Variants in MYH9 observed in about 807,000 individuals in gnomAD.
The protein encoded by MYH9 is myosin heavy chain 9.
Under a neutral mutation model 241.9 loss-of-function variants are expected in MYH9, and 29 were observed. The ratio of observed to expected loss-of-function variants is 0.12; its 90% CI spans 0.09 to 0.16. MYH9 has a LOEUF of 0.16. Ranked by LOEUF, MYH9 falls within the 10% of genes least tolerant of loss-of-function variation. MYH9 has a pLI of 1.00. For missense variants in MYH9, 1,803 were observed against 2,595.5 expected, an observed-to-expected ratio of 0.69 and a Z score of 6.63; for synonymous variants, 1,047 against 1,062.6, an observed-to-expected ratio of 0.99 and a Z score of 0.29.
chr22:36,291,683 TAAAAAAAA>T (rs66686435), intron 31 of MYH9, among the ~76,000 whole-genome samples: 2 of 86,938 alleles, frequency 2.3e-5, no homozygotes, highest in Admixed American at 2.5e-4. Context: ...ATAAAAAAAT[TAAAAAAAA>T]AAAAAAAAAA....
intron 3 of MYH9, among the ~76,000 whole-genome samples, chr22:36,332,661 TAAAAAAAAAA>T (rs67602880): frequency 2.9e-4 from 13 of 44,506 alleles, no homozygotes; most frequent in South Asian, 1.8e-3. Context: ...TCTGGATAAT[TAAAAAAAAAA>T]AAAAAAAAAA....
Position 36,295,391 on chromosome 22 carries a change from A to G in MYH9, c.3485+114T>C, listed in dbSNP as rs1457154598. On this transcript the variant is annotated intron_variant, in intron 26 of 40. Coordinates refer to ENST00000216181, the MANE Select transcript of MYH9 (RefSeq NM_002473.6). The surrounding 1 kb of genome is among the most constrained non-coding windows in gnomAD (Gnocchi z 4.1). ...CAGCTTCCATGCCTGCTGGTGCCTA[A>G]GAGGGCCACGGTGTGTGTGTGTGTG... The G allele has an allele frequency of 4.5e-6, 4 of 898,478 alleles. No individual in the cohort carries two copies. The highest frequency in any genetic ancestry group is 7.0e-6 in the Non-Finnish European group (4 of 568,912). The allele number at this position is 898,478 out of a possible 1,614,324, so 55.7% of individuals were successfully genotyped here. A position where few individuals can be genotyped will look rare whatever the true frequency, so the allele number is the denominator to read the frequency against.
In MYH9 at chr22:36,288,351, G is replaced by A. The variant is rs374641578; in HGVS notation, c.4833C>T (p.Ala1611=). The change falls in exon 34 of 41, where the codon GCC becomes GCT. Residue 1611 remains alanine (A), a synonymous_variant. Transcript: ENST00000216181. This position sits in a 1 kb window ranked among gnomAD's most constrained non-coding sequence, Gnocchi z 4.8. ...ERKQRSMAVA[A]RKKLEMDLKD... is the part of the protein sequence containing the mutation. ...TCAGGTCCATCTCCAGCTTCTTCCG[G>A]GCGGCCACTGCCATCGAGCGCTGCT... The A allele has an allele frequency of 6.2e-7, 1 of 1,613,912 alleles. No individual in the cohort carries two copies. Among genetic ancestry groups the A allele is most frequent in the Non-Finnish European group, 8.5e-7 (1 of 1,180,028 alleles).
At chr22:36,352,542 GC>G (rs1446409541) in intron 1 of MYH9, among the ~76,000 whole-genome samples, 3 of 152,202 alleles carry the variant, frequency 2.0e-5, no homozygotes, top group African/African-American at 7.2e-5. Context: ...CTGGAAATCC[GC>G]TCTGGAGGGT....
chr22:36,308,061 G>A (rs568112114), intron 15 of MYH9, among the ~76,000 whole-genome samples: 230 of 152,074 alleles, frequency 1.5e-3, no homozygotes, highest in Non-Finnish European at 2.6e-3. Flanking sequence ...GTGTGTCCTG[G>A]CCCCACCCCC....
rs772285227 is a variant in MYH9 at position 36,295,480 on chromosome 22, C to G, written c.3485+25G>C. On this transcript the variant is annotated intron_variant, in intron 26 of 40. Transcript: ENST00000216181. The surrounding 1 kb of genome is among the most constrained non-coding windows in gnomAD (Gnocchi z 4.1). ...GCCCCCCTGGCTGCCCTCCCCATCCCGAGGGACTTGGTCCCAGGGCACACC... is the reference window on the plus strand; with the variant it reads ...GCCCCCCTGGCTGCCCTCCCCATCCGGAGGGACTTGGTCCCAGGGCACACC... 1.4e-5 allele frequency: 22 copies of G among 1,606,114 alleles called. No individual in the cohort carries two copies. The highest frequency in any genetic ancestry group is 1.9e-5 in the Non-Finnish European group (22 of 1,176,434).
chr22:36,366,221 T>C (rs903598315), intron 1 of MYH9, among the ~76,000 whole-genome samples: 1 of 151,624 alleles, frequency 6.6e-6, no homozygotes, highest in Admixed American at 6.6e-5. Flanking sequence ...AACAAACTGG[T>C]TGCCACTCAC....
At chr22:36,341,592 G>A in intron 2 of MYH9, 66 bp from the exon 3 acceptor site, 3 of 1,577,128 alleles carry the variant, frequency 1.9e-6, no homozygotes, top group Non-Finnish European at 2.6e-6. Context: ...TACAAACTTT[G>A]TAGCAAAATA....
At chr22:36,287,754 A>G (rs79278108) in intron 34 of MYH9, among the ~76,000 whole-genome samples, 1 of 151,994 alleles carries the variant, frequency 6.6e-6, no homozygotes, top group Non-Finnish European at 1.5e-5. Context: ...ACAAACAAAC[A>G]AAAAAAAATT....
In MYH9 at chr22:36,293,186, G is replaced by A. The variant is rs375003995; in HGVS notation, c.4095+143C>T. 5.2e-6 allele frequency: 5 copies of A among 962,992 alleles called. No individual in the cohort carries two copies. The highest frequency in any genetic ancestry group is 5.2e-5 in the East Asian group (2 of 38,576). 59.7% of individuals were successfully genotyped at this position (962,992 alleles called of 1,614,324 possible). ...GATTCCTTTCCTTGAGAGCACTGAT[G>A]TGGGAGAGCACGGTTGGCTTCCCAG... On this transcript the variant is annotated intron_variant, in intron 30 of 40. Coordinates refer to ENST00000216181, the MANE Select transcript of MYH9 (RefSeq NM_002473.6). This position sits in a 1 kb window ranked among gnomAD's most constrained non-coding sequence, Gnocchi z 5.1.
intron 1 of MYH9, among the ~76,000 whole-genome samples, chr22:36,384,076 G>A (rs1379699802): frequency 6.6e-6 from 1 of 151,268 alleles, no homozygotes; most frequent in Non-Finnish European, 1.5e-5. Context: ...TTCCAGACCA[G>A]CGTGGTCAAC....
intron 3 of MYH9, among the ~76,000 whole-genome samples, chr22:36,331,416 A>G (rs2017418207): frequency 6.6e-6 from 1 of 152,194 alleles, no homozygotes; most frequent in African/African-American, 2.4e-5. Context: ...TCCTGAGGCC[A>G]AGCCCATGCA....
chr22:36,366,660 G>A (rs1038827858), intron 1 of MYH9, among the ~76,000 whole-genome samples: 1 of 152,274 alleles, frequency 6.6e-6, no homozygotes, highest in African/African-American at 2.4e-5. Flanking sequence ...ACCTTCCTCA[G>A]CATCCAAGGT....
rs1278152403 is a variant in MYH9 at position 36,316,601 on chromosome 22, G to A, written c.1296C>T (p.Arg432=). ...YERMFRWLVL[R]INKALDKTKR... ...TGGTCTTGTCCAGAGCCTTGTTGAT[G>A]CGCAGCACCAGCCAGCGGAACATCC... Residue 432 remains arginine (R), a synonymous_variant, in exon 12 of 41, where the codon CGC becomes CGT. Coordinates refer to ENST00000216181, the MANE Select transcript of MYH9 (RefSeq NM_002473.6). The A allele has an allele frequency of 6.2e-7, 1 of 1,614,114 alleles. No individual in the cohort carries two copies. The highest frequency in any genetic ancestry group is 8.5e-7 in the Non-Finnish European group (1 of 1,180,034).
chr22:36,303,528 A>C (rs2016918234), intron 19 of MYH9, among the ~76,000 whole-genome samples: 1 of 151,862 alleles, frequency 6.6e-6, no homozygotes, highest in African/African-American at 2.4e-5. Context: ...CATGCCTGTA[A>C]TCCCAGCACT....
At chr22:36,292,430 TC>T (rs1193267405) in intron 30 of MYH9, among the ~76,000 whole-genome samples, 196 bp from the exon 31 acceptor site, 4 of 152,186 alleles carry the variant, frequency 2.6e-5, no homozygotes, top group Non-Finnish European at 5.9e-5. Context: ...CAAAGGGGCA[TC>T]TGTCTACTGT....
rs768666026 is a variant in MYH9 at position 36,293,857 on chromosome 22, G to A, written c.3844C>T (p.Leu1282=). Residue 1282 remains leucine (L), a synonymous_variant, in exon 29 of 41, where the codon CTG becomes TTG. Transcript: ENST00000216181. The surrounding 1 kb of genome is among the most constrained non-coding windows in gnomAD (Gnocchi z 5.1). ...ADKVTKLQVE[L]DNVTGLLSQS... ...CTGAGAAGCCCGGTCACGTTGTCCA[G>A]CTCCACCTGCACCGGGCGGGGAGAC... 2.5e-6 allele frequency: 4 copies of A among 1,613,074 alleles called. No homozygotes were observed. Among genetic ancestry groups the A allele is most frequent in the South Asian group, 2.2e-5 (2 of 90,942 alleles).
At chr22:36,349,323 C>T in intron 1 of MYH9, 68 bp from the exon 2 acceptor site, 1 of 1,168,166 alleles carries the variant, frequency 8.6e-7, no homozygotes, top group Non-Finnish European at 1.3e-6. Flanking sequence ...CACTCATGCT[C>T]ACACCTCTTC....
rs1004239437 is a variant in MYH9 at position 36,310,903 on chromosome 22, T to C, written c.1728+1146A>G. ...GGCTCGGGAAACATTCCTTGGTTAA[T>C]GGTGTAAATCGCTTTTTTGGCTTTA... On this transcript the variant is annotated intron_variant, in intron 14 of 40. Coordinates refer to ENST00000216181, the MANE Select transcript of MYH9 (RefSeq NM_002473.6). Among the ~76,000 whole-genome samples, 9 of 152,234 alleles carry C rather than the reference T, an allele frequency of 5.9e-5. 1 individual carries two copies. The highest frequency in any genetic ancestry group is 6.8e-3 in the Middle Eastern group (2 of 294).
Sources: allele counts gnomAD v4.1 joint callset (sites outside exome capture counted in the v4.1 genomes callset), GRCh38; gene constraint gnomAD v4.1.1; non-coding constraint Gnocchi (gnomAD v3.1); transcripts MANE v1.5; gene names NCBI Gene and HGNC (gene_info 2026-07-23, HGNC 2026-07-21).